Variants in GNG7 observed in about 807,000 individuals in gnomAD.
The protein encoded by GNG7 is G protein subunit gamma 7.
In GNG7, 1 loss-of-function variant was observed where a neutral mutation model predicts 4.0. The ratio of observed to expected loss-of-function variants is 0.25; its 90% CI spans 0.09 to 1.18. The LOEUF (loss-of-function observed/expected upper bound fraction) is 1.18, where lower values mean the gene tolerates loss of function less well. Among genes scored for constraint, GNG7 ranks in the 50% most tolerant of loss-of-function variants. The probability of loss-of-function intolerance (pLI) is 0.50; values close to 1 mark genes in which losing one functional copy is unlikely to be tolerated. For synonymous variants in GNG7, 34 were observed against 36.9 expected (o/e 0.92, Z 0.29); for missense variants, 86 against 91.9 (o/e 0.94, Z 0.26).
chr19:2,620,152 C>T (rs1037363208), intron 2 of GNG7, among the ~76,000 whole-genome samples: 8 of 145,572 alleles, frequency 5.5e-5, no homozygotes, highest in East Asian at 2.0e-4. Context: ...TGCAGTGAGC[C>T]GAGATCGCGC....
At chr19:2,661,328 G>GAAAGAA (rs1555701556) in intron 1 of GNG7, among the ~76,000 whole-genome samples, 3 of 142,906 alleles carry the variant, frequency 2.1e-5, no homozygotes, top group African/African-American at 8.0e-5. Context: ...AAGAAAGAAA[G>GAAAGAA]AAAGAAAGAA....
chr19:2,539,211 T>C lies in GNG7; in HGVS notation c.-38+15938A>G, dbSNP rs115278527. ...CTGCGTTGCAAAGCAGATTATCTTC[T>C]GTTTTTTCCTTGCATAGTAATCAGA... On this transcript the variant is annotated intron_variant, in intron 3 of 4. Coordinates refer to ENST00000382159, the MANE Select transcript of GNG7 (RefSeq NM_052847.3). Among the ~76,000 whole-genome samples, 614 of 152,272 alleles carry C rather than the reference T, an allele frequency of 4.0e-3. 2 individuals are homozygous for C. The highest frequency in any genetic ancestry group is 0.014 in the African/African-American group (591 of 41,560).
chr19:2,688,501 C>G (rs1913053622), intron 1 of GNG7, among the ~76,000 whole-genome samples: 1 of 152,156 alleles, frequency 6.6e-6, no homozygotes, highest in East Asian at 1.9e-4. Context: ...CCTACGTGTT[C>G]TTTCCCGAAA....
At chr19:2,671,786 A>T (rs577842871) in intron 1 of GNG7, among the ~76,000 whole-genome samples, 68 of 151,314 alleles carry the variant, frequency 4.5e-4, no homozygotes, top group East Asian at 5.8e-4. Flanking sequence ...ATTTTATTTT[A>T]TTTTTTTTTA....
chr19:2,576,808 T>C (rs2144787074), intron 2 of GNG7, among the ~76,000 whole-genome samples: 1 of 152,162 alleles, frequency 6.6e-6, no homozygotes, highest in African/African-American at 2.4e-5. Flanking sequence ...CTCAGCCTCC[T>C]GAGTAGCTAA....
rs78133776 is a variant in GNG7 at position 2,553,706 on chromosome 19, A to C, written c.-38+1443T>G. Among the ~76,000 whole-genome samples, 435 of 130,862 alleles carry C rather than the reference A, an allele frequency of 3.3e-3. 11 individuals carry two copies. The highest frequency in any genetic ancestry group is 0.014 in the African/African-American group (423 of 30,016). 85.9% of individuals were successfully genotyped at this position (130,862 alleles called of 152,430 possible). A position where few individuals can be genotyped will look rare whatever the true frequency, so the allele number is the denominator to read the frequency against. ...TATATTACACACATGTGCACATTAC[A>C]TATAATATATTACATATATGTACAT... On this transcript the variant is annotated intron_variant, in intron 3 of 4. Transcript: ENST00000382159.
At chr19:2,529,555 C>T (rs924367786) in intron 3 of GNG7, among the ~76,000 whole-genome samples, 2 of 152,152 alleles carry the variant, frequency 1.3e-5, no homozygotes, top group African/African-American at 2.4e-5. Flanking sequence ...TGAGCTTGGG[C>T]AAATCCCTTC....
intron 3 of GNG7, among the ~76,000 whole-genome samples, chr19:2,553,993 T>TATA (rs1979467104): frequency 2.3e-5 from 2 of 86,918 alleles, no homozygotes; most frequent in South Asian, 3.6e-4. Context: ...GTAATATATA[T>TATA]TACACATATG....
chr19:2,669,534 C>T (rs1983397165), intron 1 of GNG7, among the ~76,000 whole-genome samples: 1 of 152,076 alleles, frequency 6.6e-6, no homozygotes, highest in African/African-American at 2.4e-5. Flanking sequence ...AAAAAACTAC[C>T]ACTGTGGGTC....
chr19:2,549,747 A>T (rs1245658953), intron 3 of GNG7, among the ~76,000 whole-genome samples: 1 of 152,050 alleles, frequency 6.6e-6, no homozygotes, highest in Non-Finnish European at 1.5e-5. Context: ...AGGAAACACA[A>T]GGCTGCTGTG....
intron 1 of GNG7, among the ~76,000 whole-genome samples, chr19:2,699,439 G>A (rs566970327): frequency 3.0e-4 from 46 of 152,170 alleles, no homozygotes; most frequent in African/African-American, 1.0e-3. Flanking sequence ...GTGAGCCACC[G>A]CACCCAGCCA....
chr19:2,525,314 G>GCCC, intron 3 of GNG7, among the ~76,000 whole-genome samples: 1 of 152,294 alleles, frequency 6.6e-6, no homozygotes, highest in East Asian at 1.9e-4. Context: ...CGGTGCACAG[G>GCCC]CTCCTGCAGG....
intron 3 of GNG7, among the ~76,000 whole-genome samples, chr19:2,548,882 A>G (rs990343096): frequency 1.1e-4 from 16 of 152,122 alleles, no homozygotes; most frequent in Non-Finnish European, 1.6e-4. Flanking sequence ...ATACCCAGAG[A>G]CCCTGGTCGA....
intron 1 of GNG7, among the ~76,000 whole-genome samples, chr19:2,654,849 G>A (rs924991170): frequency 6.6e-6 from 1 of 152,122 alleles, no homozygotes; most frequent in African/African-American, 2.4e-5. Flanking sequence ...ACTGCAGGGT[G>A]CTAAGCAGCA....
chr19:2,670,899 C>T (rs557820947), intron 1 of GNG7, among the ~76,000 whole-genome samples: 1 of 152,286 alleles, frequency 6.6e-6, no homozygotes, highest in East Asian at 1.9e-4. Flanking sequence ...CCATGATCCT[C>T]TGCCCTGCTG....
chr19:2,547,707 G>A (rs1979174311), intron 3 of GNG7, among the ~76,000 whole-genome samples: 1 of 152,230 alleles, frequency 6.6e-6, no homozygotes, highest in South Asian at 2.1e-4. Flanking sequence ...ATGCCACTTG[G>A]ATGGAAGGGG....
At position 2,585,062 on chromosome 19, in the gene GNG7, A is replaced by AGGAGGGAG. The variant is rs1268660135; in HGVS notation, c.-77-29882_-77-29875dup. On this transcript the variant is annotated intron_variant, in intron 2 of 4. Transcript: ENST00000382159. The stretch of plus-strand genomic sequence containing the variant: ...AGGGAGGGAGGGAAGGAAGGAAGGA[A>AGGAGGGAG]GGAGGGAGGGAGGGATGGAGGGAGG... Among the ~76,000 whole-genome samples, 212 of 79,916 alleles carry AGGAGGGAG rather than the reference A, an allele frequency of 2.7e-3. 3 individuals are homozygous for AGGAGGGAG. The highest frequency in any genetic ancestry group is 0.012 in the African/African-American group (195 of 15,644). The allele number at this position is 79,916 out of a possible 152,430, so 52.4% of individuals were successfully genotyped here.
intron 2 of GNG7, among the ~76,000 whole-genome samples, chr19:2,619,499 G>A (rs947583595): frequency 6.6e-6 from 1 of 152,136 alleles, no homozygotes; most frequent in Non-Finnish European, 1.5e-5. Flanking sequence ...CAGGGTGAAG[G>A]GCAAGGTCAG....
At chr19:2,574,364 C>T (rs889310260) in intron 2 of GNG7, among the ~76,000 whole-genome samples, 2 of 152,170 alleles carry the variant, frequency 1.3e-5, no homozygotes, top group Non-Finnish European at 2.9e-5. Flanking sequence ...GAAACTCTGT[C>T]CCCATGAAAC....
Sources: gnomAD v4.1 joint callset for allele counts (sites outside exome capture counted in the v4.1 genomes callset) on GRCh38, gnomAD v4.1.1 for gene constraint, MANE v1.5 for transcripts, NCBI Gene and HGNC (gene_info 2026-07-23, HGNC 2026-07-21) for gene names.